Variants in CCSER1 observed in about 807,000 individuals in gnomAD.
CCSER1 encodes coiled-coil serine rich protein 1.
In CCSER1, 41 loss-of-function variants were observed where a neutral mutation model predicts 82.0. The observed-to-expected ratio is 0.50, with a 90% CI of 0.39 to 0.65. CCSER1 has a LOEUF of 0.65. Ranked by LOEUF, CCSER1 falls within the 30% of genes least tolerant of loss-of-function variation. The probability of loss-of-function intolerance (pLI) is 0.00; values close to 1 mark genes in which losing one functional copy is unlikely to be tolerated. For synonymous variants in CCSER1, 414 were observed against 383.9 expected, an observed-to-expected ratio of 1.08 and a Z score of -0.92; for missense variants, 1,119 against 1,064.2, an observed-to-expected ratio of 1.05 and a Z score of -0.72.
chr4:90,276,188 TTC>T (rs1491292635), intron 1 of CCSER1, among the ~76,000 whole-genome samples: 2 of 30,064 alleles, frequency 6.7e-5, no homozygotes, highest in Non-Finnish European at 7.1e-5. Context: ...GAACACTGTT[TTC>T]TTTCTTTCTT....
At chr4:90,589,255 T>G (rs1197333578) in intron 5 of CCSER1, among the ~76,000 whole-genome samples, 1 of 152,114 alleles carries the variant, frequency 6.6e-6, no homozygotes, top group Non-Finnish European at 1.5e-5. Flanking sequence ...AATGGTTTCT[T>G]TACTCTATTT....
At chr4:91,385,790 G>T (rs1220798973) in intron 10 of CCSER1, among the ~76,000 whole-genome samples, 1 of 151,878 alleles carries the variant, frequency 6.6e-6, no homozygotes, top group Non-Finnish European at 1.5e-5. Context: ...AATTCTACGT[G>T]TATTTTTGGA....
intron 10 of CCSER1, among the ~76,000 whole-genome samples, chr4:91,094,675 T>A (rs1724321573): frequency 6.6e-6 from 1 of 152,164 alleles, no homozygotes; most frequent in Non-Finnish European, 1.5e-5. Flanking sequence ...GCTTAACTTG[T>A]ATGAGTACTG....
At chr4:91,444,028 A>G (rs1312702482) in intron 10 of CCSER1, among the ~76,000 whole-genome samples, 3 of 152,020 alleles carry the variant, frequency 2.0e-5, no homozygotes, top group Non-Finnish European at 4.4e-5. Flanking sequence ...ATTGCTTGTG[A>G]TACATTTTGT....
At chr4:91,455,683 G>A (rs574112259) in intron 10 of CCSER1, among the ~76,000 whole-genome samples, 9 of 152,068 alleles carry the variant, frequency 5.9e-5, no homozygotes, top group African/African-American at 1.4e-4. Context: ...GACTGAAGGC[G>A]TGATTATGCC....
intron 10 of CCSER1, among the ~76,000 whole-genome samples, chr4:91,160,568 A>C (rs1035895071): frequency 6.6e-6 from 1 of 152,132 alleles, no homozygotes; most frequent in Non-Finnish European, 1.5e-5. Flanking sequence ...TTGTGTCCTG[A>C]CTTTTTAATG....
intron 5 of CCSER1, among the ~76,000 whole-genome samples, chr4:90,541,583 A>G (rs1776121310): frequency 2.0e-5 from 3 of 152,132 alleles, no homozygotes; most frequent in African/African-American, 7.2e-5. Context: ...ATACCACTAT[A>G]CCACACACAG....
At chr4:90,913,136 A>C (rs1726694793) in intron 8 of CCSER1, among the ~76,000 whole-genome samples, 1 of 152,190 alleles carries the variant, frequency 6.6e-6, no homozygotes, top group Non-Finnish European at 1.5e-5. Context: ...AAACACAGAG[A>C]ACACCACAAA....
At chr4:91,337,467 G>A (rs562026969) in intron 10 of CCSER1, among the ~76,000 whole-genome samples, 1 of 152,256 alleles carries the variant, frequency 6.6e-6, no homozygotes, top group African/African-American at 2.4e-5. Flanking sequence ...AAGTGAGTCT[G>A]AATGTGTCAC....
chr4:90,176,971 A>G (rs1014322403), intron 1 of CCSER1, among the ~76,000 whole-genome samples: 2 of 152,102 alleles, frequency 1.3e-5, no homozygotes, highest in African/African-American at 2.4e-5. Flanking sequence ...ACTATGAGCA[A>G]AACATGAGCA....
chr4:90,892,848 A>G (rs763795345), intron 8 of CCSER1, among the ~76,000 whole-genome samples: 5 of 152,038 alleles, frequency 3.3e-5, no homozygotes, highest in Admixed American at 6.6e-5. Context: ...TTGCATTACT[A>G]ATGCCTGGAA....
chr4:91,182,027 T>C (rs902321431), intron 10 of CCSER1, among the ~76,000 whole-genome samples: 1 of 152,218 alleles, frequency 6.6e-6, no homozygotes, highest in African/African-American at 2.4e-5. Flanking sequence ...AAATTATTCA[T>C]TGTGACTGGT....
At chr4:91,217,813 T>C (rs1227466825) in intron 10 of CCSER1, among the ~76,000 whole-genome samples, 1 of 152,222 alleles carries the variant, frequency 6.6e-6, no homozygotes, top group Non-Finnish European at 1.5e-5. Context: ...AACCTTGAGC[T>C]AAACACAGGG....
At chr4:90,442,597 T>A (rs1279372215) in intron 4 of CCSER1, among the ~76,000 whole-genome samples, 1 of 152,134 alleles carries the variant, frequency 6.6e-6, no homozygotes, top group Non-Finnish European at 1.5e-5. Context: ...TTGTGGGAAT[T>A]TTGTCATCTA....
At chr4:90,170,795 C>A in intron 1 of CCSER1, among the ~76,000 whole-genome samples, 1 of 151,848 alleles carries the variant, frequency 6.6e-6, no homozygotes, top group African/African-American at 2.4e-5. Context: ...GCTTACAAAT[C>A]TTGTCTATTG....
chr4:91,042,537 G>A (rs1202401162), intron 9 of CCSER1, among the ~76,000 whole-genome samples: 1 of 152,114 alleles, frequency 6.6e-6, no homozygotes, highest in African/African-American at 2.4e-5. Context: ...GTAGGTCTGT[G>A]CATACATTAA....
intron 8 of CCSER1, among the ~76,000 whole-genome samples, chr4:90,902,960 C>G (rs571920267): frequency 7.5e-4 from 114 of 152,000 alleles, no homozygotes; most frequent in Non-Finnish European, 1.2e-3. Flanking sequence ...CTATCATGCC[C>G]CTCTCACAGG....
chr4:91,258,841 G>A (rs1456667133), intron 10 of CCSER1, among the ~76,000 whole-genome samples: 1 of 152,130 alleles, frequency 6.6e-6, no homozygotes, highest in East Asian at 1.9e-4. Context: ...AAATGAAGCA[G>A]AGAGAATTTA....
At chr4:91,300,097 A>T (rs1257582543) in intron 10 of CCSER1, among the ~76,000 whole-genome samples, 1 of 151,934 alleles carries the variant, frequency 6.6e-6, no homozygotes, top group Non-Finnish European at 1.5e-5. Context: ...GGAAGTCAAT[A>T]ATCCTTTTGG....
Sources: allele counts gnomAD v4.1 joint callset (sites outside exome capture counted in the v4.1 genomes callset), GRCh38; gene constraint gnomAD v4.1.1; transcripts MANE v1.5; gene names NCBI Gene and HGNC (gene_info 2026-07-23, HGNC 2026-07-21).